Variants in PIKFYVE observed in about 807,000 individuals in gnomAD.
PIKFYVE encodes phosphoinositide kinase, FYVE-type zinc finger containing.
Under a neutral mutation model 257.9 loss-of-function variants are expected in PIKFYVE, and 122 were observed. That is an observed-to-expected ratio of 0.47 (90% CI 0.41 to 0.55). The LOEUF (loss-of-function observed/expected upper bound fraction) is 0.55. PIKFYVE is among the 20% of genes least tolerant of loss of function. PIKFYVE has a pLI of 0.00. For synonymous variants in PIKFYVE, 892 were observed against 868.9 expected, an observed-to-expected ratio of 1.03 and a Z score of -0.47; for missense variants, 2,160 against 2,536.6, an observed-to-expected ratio of 0.85 and a Z score of 3.19.
chr2:208,330,763 T>TAAG, intron 23 of PIKFYVE, 69 bp downstream of exon 23: 2 of 1,335,270 alleles, frequency 1.5e-6, no homozygotes, highest in Non-Finnish European at 2.0e-6. Context: ...TTTTTTTTCC[T>TAAG]GAGGAGGTTT....
In PIKFYVE at chr2:208,285,849, T is replaced by G; in HGVS notation, c.737T>G (p.Leu246Arg). The G allele has an allele frequency of 6.2e-7, 1 of 1,614,180 alleles. No individual in the cohort carries two copies. The highest frequency in any genetic ancestry group is 8.5e-7 in the Non-Finnish European group (1 of 1,180,024). Residue 246 changes from leucine (L) to arginine (R), a missense_variant, in exon 6 of 42, where the codon CTT (leucine) becomes CGT (arginine). Physicochemically the swap from Leu to Arg is moderately radical, Grantham distance 102. This residue lies in a region of PIKFYVE where 187 missense variants were observed against 185.6 expected (regional missense o/e 1.01). Transcript: ENST00000264380. ...LSDSACSVSV[L>R]DPSEPRTPVG... ...GATTCTGCTTGCTCTGTGTCTGTGC[T>G]TGATCCAAGTGAACCCCGAACACCT...
chr2:208,344,754 ACT>A (rs1275334342), intron 32 of PIKFYVE, among the ~76,000 whole-genome samples: 1 of 151,264 alleles, frequency 6.6e-6, no homozygotes, highest in East Asian at 1.9e-4. Flanking sequence ...GTAGAAAAGC[ACT>A]CTCAAGTTCT....
chr2:208,285,403 T>C (rs1256534445), intron 5 of PIKFYVE, among the ~76,000 whole-genome samples: 2 of 152,162 alleles, frequency 1.3e-5, no homozygotes, highest in Non-Finnish European at 2.9e-5. Context: ...CCTGGTATGT[T>C]ACATTTTAAA....
chr2:208,296,469 G>A (rs1243926086), intron 7 of PIKFYVE, among the ~76,000 whole-genome samples: 3 of 152,172 alleles, frequency 2.0e-5, no homozygotes, highest in East Asian at 3.8e-4. Context: ...GGTTTTAGAT[G>A]TGTTGAATTT....
Position 208,308,454 on chromosome 2 carries a change from A to G in PIKFYVE, c.1636+3441A>G, listed in dbSNP as rs142511059. Among the ~76,000 whole-genome samples the G allele has an allele frequency of 9.2e-3, 1,394 of 152,136 alleles. 28 individuals are homozygous for G. The highest frequency in any genetic ancestry group is 0.031 in the African/African-American group (1,287 of 41,526). On this transcript the variant is annotated intron_variant, in intron 12 of 41. Transcript: ENST00000264380. ...ATTCTTAGTGGTGAGAACCTTTGAAATTTACTCTTAGCAATTTTGAAATAT... is the reference window on the plus strand; with the variant it reads ...ATTCTTAGTGGTGAGAACCTTTGAAGTTTACTCTTAGCAATTTTGAAATAT...
intron 3 of PIKFYVE, among the ~76,000 whole-genome samples, chr2:208,274,452 C>T (rs1689846542): frequency 1.3e-5 from 2 of 152,150 alleles, no homozygotes; most frequent in African/African-American, 2.4e-5. Context: ...GGAAGGGATG[C>T]AGCATTGGGA....
rs1461658621 is a variant in PIKFYVE at position 208,348,165 on chromosome 2, G to T, written c.5374+142G>T. The T allele has an allele frequency of 8.9e-6, 10 of 1,117,688 alleles. No individual in the cohort carries two copies. In the East Asian group the frequency reaches 2.3e-4, roughly 26 times the overall value. 69.2% of individuals were successfully genotyped at this position (1,117,688 alleles called of 1,614,324 possible). On this transcript the variant is annotated intron_variant, in intron 35 of 41. Transcript: ENST00000264380. ...TCTGTTCTCACTTGTCAGTGTGGTAGAGTGGAAAAAGCATGGCACTGGGAG... is the reference window on the plus strand; with the variant it reads ...TCTGTTCTCACTTGTCAGTGTGGTATAGTGGAAAAAGCATGGCACTGGGAG...
At position 208,273,771 on chromosome 2, in the gene PIKFYVE, T is replaced by C. The variant is rs371886977; in HGVS notation, c.322+38T>C. ...TCTTATTTCATTCCCTTCTATATGC[T>C]AGATTTTTCCACAGTCATTGTGTTT... On this transcript the variant is annotated intron_variant, in intron 3 of 41. Coordinates refer to ENST00000264380, the MANE Select transcript of PIKFYVE (RefSeq NM_015040.4). 6.8e-6 allele frequency: 11 copies of C among 1,610,666 alleles called. No individual in the cohort carries two copies. The African/African-American group carries it at 1.3e-4, about 20-fold the overall frequency.
chr2:208,321,782 G>A (rs1176309777), intron 17 of PIKFYVE, among the ~76,000 whole-genome samples: 1 of 152,010 alleles, frequency 6.6e-6, no homozygotes, highest in Non-Finnish European at 1.5e-5. Context: ...GTTTCATCAT[G>A]TTGGCCAGGC....
At chr2:208,322,560 T>C (rs1696377478) in intron 17 of PIKFYVE, among the ~76,000 whole-genome samples, 1 of 151,768 alleles carries the variant, frequency 6.6e-6, no homozygotes, top group Non-Finnish European at 1.5e-5. Flanking sequence ...CTCCTGAAAC[T>C]CTTGTCAGCA....
In PIKFYVE at chr2:208,285,784, A is replaced by G; in HGVS notation, c.672A>G (p.Thr224=). 2.5e-6 allele frequency: 4 copies of G among 1,614,064 alleles called. No homozygotes were observed. The highest frequency in any genetic ancestry group is 1.7e-6 in the Non-Finnish European group (2 of 1,179,972). Reference sequence around the variant, plus strand: ...TAGCCTTAAGTTATGCTCATTCCACAGACAGTAATTCTATTGGGGAAGACT... The same window carrying G: ...TAGCCTTAAGTTATGCTCATTCCACGGACAGTAATTCTATTGGGGAAGACT... ...RKIALSYAHS[T]DSNSIGEDLN... Residue 224 remains threonine (T), a synonymous_variant, in exon 6 of 42, where the codon ACA becomes ACG. Coordinates refer to ENST00000264380, the MANE Select transcript of PIKFYVE (RefSeq NM_015040.4).
At chr2:208,315,819 AACATTATG>A (rs1425749267) in intron 15 of PIKFYVE, among the ~76,000 whole-genome samples, 1 of 147,008 alleles carries the variant, frequency 6.8e-6, no homozygotes, top group Admixed American at 7.0e-5. Context: ...AACTTCTTAA[AACATTATG>A]ACATTTTTTG....
intron 11 of PIKFYVE, 40 bp downstream of exon 11, chr2:208,304,358 T>C (rs1694069451): frequency 6.3e-7 from 1 of 1,590,890 alleles, no homozygotes; most frequent in Admixed American, 1.7e-5. Flanking sequence ...TGATGGGTCA[T>C]TGCTGTGTAT....
At chr2:208,282,634 C>CT (rs1690967480) in intron 5 of PIKFYVE, among the ~76,000 whole-genome samples, 2 of 152,318 alleles carry the variant, frequency 1.3e-5, no homozygotes, top group African/African-American at 4.8e-5. Context: ...GGACAATCTG[C>CT]TTTACTTAAA....
chr2:208,302,305 T>C lies in PIKFYVE; in HGVS notation c.1272T>C (p.His424=), dbSNP rs1693792256. 6.2e-7 allele frequency: 1 copy of C among 1,614,048 alleles called. No homozygotes were observed. The highest frequency in any genetic ancestry group is 1.3e-5 in the African/African-American group (1 of 74,940). ...GACGTTGGCTGGATTGTGTTAGTCA[T>C]CACGACCAGCTTTTCAGAGATGAGT... ...VDGRWLDCVS[H]HDQLFRDEYA... Residue 424 remains histidine (H), a synonymous_variant, in exon 10 of 42, where the codon CAT becomes CAC. Transcript: ENST00000264380.
intron 39 of PIKFYVE, among the ~76,000 whole-genome samples, chr2:208,353,127 G>A (rs1699920821): frequency 6.6e-6 from 1 of 152,158 alleles, no homozygotes; most frequent in Non-Finnish European, 1.5e-5. Flanking sequence ...CTAGACTCAG[G>A]TTAGTCTAGA....
chr2:208,287,276 T>C (rs2125167074), intron 6 of PIKFYVE, among the ~76,000 whole-genome samples: 1 of 151,368 alleles, frequency 6.6e-6, no homozygotes, highest in African/African-American at 2.4e-5. Context: ...TTTTCTTTTT[T>C]TTTTTTTTTT....
At position 208,313,400 on chromosome 2, in the gene PIKFYVE, C is replaced by A. The variant is rs1574574619; in HGVS notation, c.1697-894C>A. ...GTCTTGCTAAAATTTTGTTAAAAAA[C>A]CCCTGTGCCAATATTGAAAGAGAAA... On this transcript the variant is annotated intron_variant, in intron 13 of 41. Coordinates refer to ENST00000264380, the MANE Select transcript of PIKFYVE (RefSeq NM_015040.4). Among the ~76,000 whole-genome samples, 5 of 152,114 alleles carry A rather than the reference C, an allele frequency of 3.3e-5. No individual in the cohort carries two copies. In the South Asian group the frequency reaches 1.0e-3, roughly 32 times the overall value.
intron 35 of PIKFYVE, 59 bp downstream of exon 35, chr2:208,348,082 CA>C: frequency 6.3e-7 from 1 of 1,578,552 alleles, no homozygotes; most frequent in Non-Finnish European, 8.7e-7. Flanking sequence ...ATTTTAGTTG[CA>C]TATATTTCTT....
Sources: allele counts gnomAD v4.1 joint callset (sites outside exome capture counted in the v4.1 genomes callset), GRCh38; gene constraint gnomAD v4.1.1; regional missense constraint gnomAD v4.1.1; transcripts MANE v1.5; gene names NCBI Gene and HGNC (gene_info 2026-07-23, HGNC 2026-07-21).